PARM1: variants seen among roughly 807,000 people sequenced by gnomAD.
PARM1 encodes prostate androgen-regulated mucin-like protein 1, also known as WSC4, cell wall integrity and stress response component 4 homolog.
In PARM1, 14 loss-of-function variants were observed where a neutral mutation model predicts 24.6. The observed-to-expected ratio is 0.57, with a 90% CI of 0.38 to 0.89. PARM1 has a LOEUF of 0.89. Among genes scored for constraint, PARM1 ranks in the 40% least tolerant of loss-of-function variants. The pLI, the probability that PARM1 is intolerant of heterozygous loss-of-function variation, is 0.00. For synonymous variants in PARM1, 179 were observed against 156.6 expected (o/e 1.14, Z -1.07); for missense variants, 362 against 380.4 (o/e 0.95, Z 0.40).
intron 2 of PARM1, among the ~76,000 whole-genome samples, chr4:75,021,586 G>GT (rs112520326): frequency 0.03 from 4,512 of 151,516 alleles, 226 homozygotes; most frequent in African/African-American, 0.1. Context: ...GCTATAGTTA[G>GT]TTTTTTTTTA....
Position 75,047,870 on chromosome 4 carries a change from G to C in PARM1, c.*1623G>C, listed in dbSNP as rs1001058172. The stretch of plus-strand genomic sequence containing the variant: ...CATGGTGACCTTTTTATTTCTGTGT[G>C]CTTCCTAGAGAGCTTTATTTCATGG... On this transcript the variant is annotated 3_prime_UTR_variant, in exon 4 of 4. Coordinates refer to ENST00000307428, the MANE Select transcript of PARM1 (RefSeq NM_015393.4). 6.6e-6 allele frequency: 1 copy of C among 152,164 alleles called. No homozygotes were observed. The allele number at this position is 152,164 out of a possible 1,614,324, so 9.4% of individuals were successfully genotyped here. A position where few individuals can be genotyped will look rare whatever the true frequency, so the allele number is the denominator to read the frequency against.
At chr4:74,975,531 C>T (rs1465202628) in intron 1 of PARM1, among the ~76,000 whole-genome samples, 4 of 152,124 alleles carry the variant, frequency 2.6e-5, no homozygotes, top group Non-Finnish European at 5.9e-5. Flanking sequence ...AACATGCACA[C>T]CAGAGAAGTT....
chr4:74,946,840 T>C (rs927373838), intron 1 of PARM1, among the ~76,000 whole-genome samples: 5 of 152,216 alleles, frequency 3.3e-5, no homozygotes, highest in East Asian at 3.8e-4. Flanking sequence ...TTGACCTTCA[T>C]TGGAGAATGC....
chr4:75,022,389 T>C (rs559206586), intron 2 of PARM1, among the ~76,000 whole-genome samples: 2 of 152,376 alleles, frequency 1.3e-5, no homozygotes, highest in African/African-American at 4.8e-5. Flanking sequence ...GGCTCACTTT[T>C]ACTACCTAAA....
intron 2 of PARM1, among the ~76,000 whole-genome samples, chr4:75,022,196 C>G (rs953733764): frequency 2.0e-5 from 3 of 152,174 alleles, no homozygotes; most frequent in African/African-American, 7.2e-5. Context: ...TTGCATTTCT[C>G]TAATGATTAG....
At chr4:74,974,009 G>A (rs1382992660) in intron 1 of PARM1, among the ~76,000 whole-genome samples, 2 of 152,168 alleles carry the variant, frequency 1.3e-5, no homozygotes, top group African/African-American at 4.8e-5. Context: ...AGCCAGTGGT[G>A]TAATTTAGTT....
chr4:74,973,057 T>TA (rs576842308), intron 1 of PARM1, among the ~76,000 whole-genome samples: 3 of 151,932 alleles, frequency 2.0e-5, no homozygotes, highest in Non-Finnish European at 4.4e-5. Context: ...TTCTGAAGAT[T>TA]AAAAAAAATA....
At chr4:75,038,470 TC>T (rs1723413567) in intron 3 of PARM1, among the ~76,000 whole-genome samples, 2 of 152,144 alleles carry the variant, frequency 1.3e-5, no homozygotes, top group Admixed American at 1.3e-4. Flanking sequence ...GAGCACAGTC[TC>T]CATCCTACCA....
chr4:74,979,246 G>T lies in PARM1; in HGVS notation c.44-33179G>T, dbSNP rs1722199286. 2.0e-5 allele frequency among the ~76,000 whole-genome samples: 3 copies of T among 151,648 alleles called. No homozygotes were observed. The South Asian group carries it at 6.2e-4, about 32-fold the overall frequency. ...TAGCTAGACTAATAAAGAAGAACAA[G>T]AATCAAATAAACACAATAAAAAATG... On this transcript the variant is annotated intron_variant, in intron 1 of 3. Transcript: ENST00000307428.
chr4:75,020,841 G>C (rs1455856162), intron 2 of PARM1, among the ~76,000 whole-genome samples: 1 of 152,162 alleles, frequency 6.6e-6, no homozygotes, highest in African/African-American at 2.4e-5. Flanking sequence ...GTTAATTCCA[G>C]CTCATTCCTC....
At chr4:75,022,582 ATTTTCT>A (rs1274695362) in intron 2 of PARM1, among the ~76,000 whole-genome samples, 3 of 152,126 alleles carry the variant, frequency 2.0e-5, no homozygotes, top group Non-Finnish European at 4.4e-5. Flanking sequence ...TTATGGAGCA[ATTTTCT>A]TTTTCTGTTT....
At chr4:74,935,828 G>A (rs1721170931) in intron 1 of PARM1, among the ~76,000 whole-genome samples, 2 of 150,566 alleles carry the variant, frequency 1.3e-5, no homozygotes, top group Admixed American at 6.6e-5. Context: ...GTATTCACTC[G>A]GGTATATATA....
intron 1 of PARM1, among the ~76,000 whole-genome samples, chr4:74,986,324 T>C (rs1416549314): frequency 6.6e-6 from 1 of 152,200 alleles, no homozygotes; most frequent in African/African-American, 2.4e-5. Context: ...CTAGCTAATG[T>C]TTGAACTGCC....
At chr4:74,959,823 A>G (rs1340180963) in intron 1 of PARM1, among the ~76,000 whole-genome samples, 1 of 152,246 alleles carries the variant, frequency 6.6e-6, no homozygotes, top group South Asian at 2.1e-4. Flanking sequence ...TAGCAGAGTC[A>G]TCAGTTAAGA....
intron 1 of PARM1, among the ~76,000 whole-genome samples, chr4:74,989,873 A>G (rs1406280179): frequency 6.6e-6 from 1 of 152,166 alleles, no homozygotes; most frequent in Admixed American, 6.5e-5. Context: ...CCAAGTATAT[A>G]TATCACAATA....
At chr4:75,023,177 G>T (rs553887213) in intron 2 of PARM1, among the ~76,000 whole-genome samples, 1 of 152,284 alleles carries the variant, frequency 6.6e-6, no homozygotes, top group South Asian at 2.1e-4. Flanking sequence ...TCAAAGACAG[G>T]CTGTAGGAAG....
intron 2 of PARM1, among the ~76,000 whole-genome samples, chr4:75,031,835 G>T (rs2109807928): frequency 6.6e-6 from 1 of 152,222 alleles, no homozygotes; most frequent in Middle Eastern, 3.4e-3. Flanking sequence ...GTATCTTTTT[G>T]AATCTTAAAA....
rs189693869 is a variant in PARM1 at position 75,016,780 on chromosome 4, A to G, written c.769+3630A>G. ...GCACCTCAGGCCTCCTTTCTCCCTG[A>G]TCTCTCCACCGTCACTCCTGCGTGG... is the stretch of plus-strand genomic sequence containing the variant. On this transcript the variant is annotated intron_variant, in intron 2 of 3. Coordinates refer to ENST00000307428, the MANE Select transcript of PARM1 (RefSeq NM_015393.4). 6.9e-4 allele frequency among the ~76,000 whole-genome samples: 105 copies of G among 151,836 alleles called. 1 individual carries two copies. Among genetic ancestry groups the G allele is most frequent in the Non-Finnish European group, 2.9e-4 (20 of 67,976 alleles).
intron 3 of PARM1, among the ~76,000 whole-genome samples, chr4:75,038,206 C>T (rs891333110): frequency 2.0e-5 from 3 of 152,206 alleles, no homozygotes; most frequent in Admixed American, 6.5e-5. Context: ...TGGGCCACTG[C>T]GCCCAGCCTG....
Sources: allele counts gnomAD v4.1 joint callset (sites outside exome capture counted in the v4.1 genomes callset), GRCh38; gene constraint gnomAD v4.1.1; transcripts MANE v1.5; gene names NCBI Gene and HGNC (gene_info 2026-07-23, HGNC 2026-07-21).